The following DMD variants were observed in gnomAD, a reference collection of about 807,000 sequenced individuals.
DMD encodes the protein dystrophin.
A neutral mutation model predicts 330.1 loss-of-function variants in DMD; 63 were observed. The ratio of observed to expected loss-of-function variants is 0.19; its 90% confidence interval spans 0.16 to 0.24. The LOEUF is 0.24. Ranked by LOEUF, DMD falls within the 10% of genes least tolerant of loss-of-function variation. The pLI is 1.00. For missense variants in DMD, 3,344 were observed against 2,684.1 expected, an observed-to-expected ratio of 1.25 and a Z score of -5.43; for synonymous variants, 1,223 against 959.8, an observed-to-expected ratio of 1.27 and a Z score of -5.07.
At chrX:33,118,592 C>G (rs778036114) in intron 1 of DMD, among the ~76,000 whole-genome samples, 1 of 111,658 alleles carries the variant, frequency 9.0e-6, no homozygotes, top group Non-Finnish European at 1.9e-5. Context: ...TAAAGTCGAC[C>G]TGATGTGAAA....
chrX:33,195,183 T>C (rs769029242), intron 1 of DMD, among the ~76,000 whole-genome samples: 1 of 111,617 alleles, frequency 9.0e-6, no homozygotes, highest in African/African-American at 3.3e-5. Flanking sequence ...GAAAATAAGC[T>C]TAGGAATGCA....
intron 64 of DMD, among the ~76,000 whole-genome samples, chrX:31,219,282 C>T (rs2045730461): frequency 9.0e-6 from 1 of 110,966 alleles, no homozygotes; most frequent in Non-Finnish European, 1.9e-5. Flanking sequence ...CCTCCCTACC[C>T]CAGGACAGAA....
intron 71 of DMD, among the ~76,000 whole-genome samples, chrX:31,177,277 A>G (rs2040609865): frequency 9.0e-6 from 1 of 111,726 alleles, no homozygotes; most frequent in Non-Finnish European, 1.9e-5. Context: ...ACAAAGAAAT[A>G]CTTTCCTCCT....
intron 66 of DMD, among the ~76,000 whole-genome samples, chrX:31,205,246 C>T (rs2043949282): frequency 1.8e-5 from 2 of 112,064 alleles, no homozygotes. Flanking sequence ...CATAAGCACA[C>T]TTTAAACTCT....
At chrX:32,272,504 A>C (rs1460798374) in intron 43 of DMD, among the ~76,000 whole-genome samples, 1 of 112,183 alleles carries the variant, frequency 8.9e-6, no homozygotes, top group Non-Finnish European at 1.9e-5. Flanking sequence ...GTTTCTACTG[A>C]TGTCTATAGA....
chrX:32,006,635 C>G (rs2095663330), intron 44 of DMD, among the ~76,000 whole-genome samples: 1 of 110,752 alleles, frequency 9.0e-6, no homozygotes, highest in African/African-American at 3.3e-5. Flanking sequence ...GAATAGTTTC[C>G]CCTGAATAGT....
chrX:31,768,906 AT>A (rs781481943), intron 51 of DMD, among the ~76,000 whole-genome samples: 5 of 112,207 alleles, frequency 4.5e-5, no homozygotes, highest in African/African-American at 1.6e-4. Context: ...GATTTGCTTA[AT>A]TTTTTTAAAT....
At chrX:31,362,702 C>T (rs987092526) in intron 60 of DMD, among the ~76,000 whole-genome samples, 6 of 112,904 alleles carry the variant, frequency 5.3e-5, no homozygotes, top group African/African-American at 1.3e-4. Flanking sequence ...CCCAGCACTT[C>T]GGGAGGCCGA....
chrX:32,828,059 A>G (rs1250993680), intron 4 of DMD, among the ~76,000 whole-genome samples: 1 of 111,370 alleles, frequency 9.0e-6, no homozygotes, highest in African/African-American at 3.3e-5. Flanking sequence ...TGTTGCTACA[A>G]TCTTATTTTT....
intron 44 of DMD, among the ~76,000 whole-genome samples, chrX:32,117,654 T>A (rs2096616708): frequency 8.9e-6 from 1 of 112,182 alleles, no homozygotes; most frequent in African/African-American, 3.2e-5. Context: ...GGGAGAAGAG[T>A]GAATTTTAGG....
chrX:32,795,450 T>C (rs1177353827), intron 7 of DMD, among the ~76,000 whole-genome samples: 1 of 112,089 alleles, frequency 8.9e-6, no homozygotes, highest in African/African-American at 3.2e-5. Flanking sequence ...TCTCTCACCA[T>C]ATTAGAAAAT....
intron 2 of DMD, among the ~76,000 whole-genome samples, chrX:32,988,117 G>GA (rs2092893813): frequency 9.0e-6 from 1 of 110,636 alleles, no homozygotes; most frequent in Non-Finnish European, 1.9e-5. Flanking sequence ...CAACCACATT[G>GA]AATGGAGACA....
In DMD at chrX:33,020,245, A is replaced by G. The variant is rs374253423; in HGVS notation, c.32-45T>C. On this transcript the variant is annotated intron_variant, in intron 1 of 78. Transcript: ENST00000357033. ...AATAAAAGTTAGGAAGCAACTTTAAATATAATTCATATTTTACAACCAAAG... is the reference window on the plus strand; with the variant it reads ...AATAAAAGTTAGGAAGCAACTTTAAGTATAATTCATATTTTACAACCAAAG... 5 of 908,710 alleles carry G rather than the reference A, an allele frequency of 5.5e-6. No individual in the cohort carries two copies. The African/African-American group carries it at 9.8e-5, about 18-fold the overall frequency. The allele number at this position is 908,710 out of a possible 1,213,427, so 74.9% of individuals were successfully genotyped here. A position where few individuals can be genotyped will look rare whatever the true frequency, so the allele number is the denominator to read the frequency against.
rs1289954777 is a variant in DMD, at chrX:32,461,589, T to G, written c.3432+1850A>C. Among the ~76,000 whole-genome samples the G allele has an allele frequency of 3.6e-5, 4 of 110,887 alleles. No homozygotes were observed. In the East Asian group the frequency reaches 1.1e-3, roughly 31 times the overall value. ...AAGCAAAGACATTTTTAGAGAGCCTTTACAAATTGTACTCCTGTAAAATGT... is the reference window on the plus strand; with the variant it reads ...AAGCAAAGACATTTTTAGAGAGCCTGTACAAATTGTACTCCTGTAAAATGT... On this transcript the variant is annotated intron_variant, in intron 25 of 78. Coordinates refer to ENST00000357033, the MANE Select transcript of DMD (RefSeq NM_004006.3).
At position 31,242,681 on chromosome X, in the gene DMD, T is replaced by C. The variant is rs1457767612; in HGVS notation, c.9286+18274A>G. On this transcript the variant is annotated intron_variant, in intron 63 of 78. Coordinates refer to ENST00000357033, the MANE Select transcript of DMD (RefSeq NM_004006.3). ...ATTTCTTATACAACAGGTAGAAAGATAGCAGGCAACAATAAGATATGTGTG... is the reference window on the plus strand; with the variant it reads ...ATTTCTTATACAACAGGTAGAAAGACAGCAGGCAACAATAAGATATGTGTG... Among the ~76,000 whole-genome samples the C allele has an allele frequency of 3.9e-5, 4 of 102,785 alleles. No homozygotes were observed. In the East Asian group the frequency reaches 9.1e-4, roughly 23 times the overall value. 89.3% of individuals were successfully genotyped at this position (102,785 alleles called of 115,157 possible). A position where few individuals can be genotyped will look rare whatever the true frequency, so the allele number is the denominator to read the frequency against.
chrX:32,062,469 A>G (rs1257337387), intron 44 of DMD, among the ~76,000 whole-genome samples: 2 of 110,947 alleles, frequency 1.8e-5, no homozygotes, highest in African/African-American at 6.5e-5. Context: ...TGTTATATAT[A>G]TTAAAACACG....
At chrX:31,673,796 A>C (rs982944248) in intron 53 of DMD, among the ~76,000 whole-genome samples, 7 of 111,481 alleles carry the variant, frequency 6.3e-5, no homozygotes, top group African/African-American at 2.3e-4. Flanking sequence ...CTCTGCATTA[A>C]ATATTTATAT....
intron 62 of DMD, among the ~76,000 whole-genome samples, chrX:31,275,182 T>C (rs1396506378): frequency 9.1e-6 from 1 of 109,491 alleles, no homozygotes; most frequent in Non-Finnish European, 1.9e-5. Context: ...TGTGTGTGTG[T>C]GTGTGTGTGT....
At chrX:31,738,888 T>C (rs1340622297) in intron 51 of DMD, among the ~76,000 whole-genome samples, 1 of 111,844 alleles carries the variant, frequency 8.9e-6, no homozygotes, top group Non-Finnish European at 1.9e-5. Context: ...ACAATTGAAC[T>C]CATGGACATA....
Sources: gnomAD v4.1 joint callset for allele counts (sites outside exome capture counted in the v4.1 genomes callset) on GRCh38, gnomAD v4.1.1 for gene constraint, MANE v1.5 for transcripts, NCBI Gene and HGNC (gene_info 2026-07-23, HGNC 2026-07-21) for gene names.